PLA2R1: variants seen among roughly 807,000 people sequenced by gnomAD.
PLA2R1 encodes the protein secretory phospholipase A2 receptor.
PLA2R1 carries 158 observed loss-of-function variants against 195.9 expected under a neutral mutation model. The observed-to-expected ratio is 0.81, with a 90% CI of 0.71 to 0.92. The LOEUF is 0.92. Among genes scored for constraint, PLA2R1 ranks in the 40% least tolerant of loss-of-function variants. The pLI, the probability that PLA2R1 is intolerant of heterozygous loss-of-function variation, is 0.00. For synonymous variants in PLA2R1, 586 were observed against 598.2 expected, an observed-to-expected ratio of 0.98 and a Z score of 0.30; for missense variants, 1,626 against 1,764.6, an observed-to-expected ratio of 0.92 and a Z score of 1.41.
At chr2:159,978,825 T>C (rs1689750099) in intron 14 of PLA2R1, among the ~76,000 whole-genome samples, 1 of 152,206 alleles carries the variant, frequency 6.6e-6, no homozygotes, top group South Asian at 2.1e-4. Context: ...TTGAAAACCA[T>C]CTTGGTACGG....
chr2:159,956,656 C>T (rs148138935), intron 20 of PLA2R1, 29 bp from the exon 21 acceptor site: 846 of 1,255,400 alleles, frequency 6.7e-4, no homozygotes, highest in Non-Finnish European at 8.7e-4. Context: ...ACAAAACATT[C>T]ATTTCTGTAT....
intron 9 of PLA2R1, among the ~76,000 whole-genome samples, chr2:160,015,083 T>A (rs2105441749): frequency 6.6e-6 from 1 of 152,296 alleles, no homozygotes; most frequent in South Asian, 2.1e-4. Context: ...AACACAGACT[T>A]GTTACTTCAA....
At chr2:159,991,439 CTT>C (rs34466452) in intron 11 of PLA2R1, among the ~76,000 whole-genome samples, 67 of 136,002 alleles carry the variant, frequency 4.9e-4, no homozygotes, top group African/African-American at 1.5e-3. Context: ...CACTTTCTTT[CTT>C]TTTTTTTTTT....
intron 3 of PLA2R1, among the ~76,000 whole-genome samples, chr2:160,040,120 A>G (rs1694431841): frequency 6.6e-6 from 1 of 152,174 alleles, no homozygotes; most frequent in Admixed American, 6.5e-5. Flanking sequence ...CATCTGTTTC[A>G]GGAGTCAAGG....
At chr2:160,047,608 T>A (rs1694952929) in intron 1 of PLA2R1, among the ~76,000 whole-genome samples, 1 of 152,202 alleles carries the variant, frequency 6.6e-6, no homozygotes, top group African/African-American at 2.4e-5. Context: ...AACAAAATAT[T>A]TGCCTCCTTT....
At chr2:159,926,008 C>G in the PLA2R1 span, among the ~76,000 whole-genome samples, 1 of 152,170 alleles carries the variant, frequency 6.6e-6, no homozygotes, top group Admixed American at 6.5e-5. Flanking sequence ...GTTCTGGAAG[C>G]TTTACTCTAT....
At chr2:160,033,247 C>A (rs1197323231) in intron 3 of PLA2R1, 115 bp from the exon 4 acceptor site, 4 of 722,060 alleles carry the variant, frequency 5.5e-6, no homozygotes, top group Non-Finnish European at 8.8e-6. Context: ...AACTTCAGGG[C>A]CTTATCTATT....
At position 160,014,253 on chromosome 2, in the gene PLA2R1, A is replaced by G. The variant is rs544489214; in HGVS notation, c.1552-878T>C. Among the ~76,000 whole-genome samples, 143 of 148,502 alleles carry G rather than the reference A, an allele frequency of 9.6e-4. 1 individual carries two copies. In the East Asian group the frequency reaches 0.015, roughly 16 times the overall value. ...TTCTTTCTTTTTTTTTTTTTTTGTA[A>G]AGATTATTCCTAAATTAACTGGCTG... On this transcript the variant is annotated intron_variant, in intron 9 of 29. Transcript: ENST00000283243.
At position 159,970,137 on chromosome 2, in the gene PLA2R1, T is replaced by C. The variant is rs77807608; in HGVS notation, c.2660+11A>G. On this transcript the variant is annotated intron_variant, in intron 18 of 29. Coordinates refer to ENST00000283243, the MANE Select transcript of PLA2R1 (RefSeq NM_007366.5). Reference sequence around the variant, plus strand: ...AAACAAAATTAAATGCAAATGAATCTAGGTTCATACCGAAATTCATCATTG... The same window carrying C: ...AAACAAAATTAAATGCAAATGAATCCAGGTTCATACCGAAATTCATCATTG... 0.039 allele frequency: 60,845 copies of C among 1,569,686 alleles called. 1,363 individuals are homozygous for C. The highest frequency in any genetic ancestry group is 0.047 in the Non-Finnish European group (53,248 of 1,143,594).
At chr2:160,041,485 C>T (rs897722314) in intron 3 of PLA2R1, among the ~76,000 whole-genome samples, 2 of 152,022 alleles carry the variant, frequency 1.3e-5, no homozygotes, top group African/African-American at 4.8e-5. Flanking sequence ...GAGGTTATAG[C>T]CAGAAGGTAA....
At chr2:159,989,510 C>T (rs964302559) in intron 11 of PLA2R1, among the ~76,000 whole-genome samples, 3 of 152,228 alleles carry the variant, frequency 2.0e-5, no homozygotes, top group African/African-American at 7.2e-5. Context: ...ATGGAAAGAA[C>T]TTCGGACTTG....
intron 20 of PLA2R1, among the ~76,000 whole-genome samples, chr2:159,960,906 T>A (rs951620671): frequency 6.6e-5 from 10 of 152,212 alleles, no homozygotes; most frequent in Admixed American, 2.0e-4. Context: ...TAATGGGACA[T>A]AATATATTGG....
intron 20 of PLA2R1, among the ~76,000 whole-genome samples, chr2:159,959,580 G>C (rs1303588427): frequency 2.1e-4 from 32 of 152,130 alleles, no homozygotes; most frequent in Admixed American, 2.1e-3. Flanking sequence ...GGGTCCTACT[G>C]TATTCTAAAT....
chr2:159,925,085 G>A, the PLA2R1 span, among the ~76,000 whole-genome samples: 3 of 151,950 alleles, frequency 2.0e-5, no homozygotes, highest in African/African-American at 4.8e-5. Flanking sequence ...CCCTTTCCCC[G>A]ATACACATGT....
At chr2:160,019,855 C>G (rs1692992629) in intron 8 of PLA2R1, among the ~76,000 whole-genome samples, 1 of 152,152 alleles carries the variant, frequency 6.6e-6, no homozygotes, top group Non-Finnish European at 1.5e-5. Context: ...TTCAGAAATG[C>G]TTTCTGTGGC....
chr2:160,047,896 G>A (rs528284136), intron 1 of PLA2R1, among the ~76,000 whole-genome samples: 1 of 152,332 alleles, frequency 6.6e-6, no homozygotes, highest in South Asian at 2.1e-4. Context: ...CACTGTCATG[G>A]CTCACTGAGG....
At chr2:159,924,733 G>GC in the PLA2R1 span, among the ~76,000 whole-genome samples, 9 of 143,124 alleles carry the variant, frequency 6.3e-5, no homozygotes, top group Admixed American at 3.4e-4. Flanking sequence ...GGGGGCTGGG[G>GC]GGGGGGCGGT....
At chr2:160,025,365 A>G (rs563245144) in intron 6 of PLA2R1, among the ~76,000 whole-genome samples, 1 of 152,210 alleles carries the variant, frequency 6.6e-6, no homozygotes, top group South Asian at 2.1e-4. Context: ...GCATAAATAA[A>G]TAAGTAAATA....
chr2:159,997,590 T>G (rs1691298931), intron 11 of PLA2R1, among the ~76,000 whole-genome samples: 1 of 152,114 alleles, frequency 6.6e-6, no homozygotes, highest in South Asian at 2.1e-4. Flanking sequence ...CACAAAAGTG[T>G]GGGGGTCCCT....
Sources: gnomAD v4.1 joint callset for allele counts (sites outside exome capture counted in the v4.1 genomes callset) on GRCh38, gnomAD v4.1.1 for gene constraint, MANE v1.5 for transcripts, NCBI Gene and HGNC (gene_info 2026-07-23, HGNC 2026-07-21) for gene names.